The following SEPTIN9 variants were observed in gnomAD, a reference collection of about 807,000 sequenced individuals.
The protein encoded by SEPTIN9 is septin 9, also known as septin-9.
In SEPTIN9, 13 loss-of-function variants were observed where a neutral mutation model predicts 56.6. That is an observed-to-expected ratio of 0.23 (90% CI 0.15 to 0.37). SEPTIN9 has a LOEUF of 0.37. Among genes scored for constraint, SEPTIN9 ranks in the 10% least tolerant of loss-of-function variants. The probability of loss-of-function intolerance (pLI) is 1.00; values close to 1 mark genes in which losing one functional copy is unlikely to be tolerated. For synonymous variants in SEPTIN9, 332 were observed against 334.1 expected, an observed-to-expected ratio of 0.99 and a Z score of 0.07; for missense variants, 650 against 823.1, an observed-to-expected ratio of 0.79 and a Z score of 2.57.
rs1437873163 is a variant in SEPTIN9 at position 77,450,096 on chromosome 17, C to CCA, written c.722-32046_722-32045dup. 6.6e-6 allele frequency among the ~76,000 whole-genome samples: 1 copy of CCA among 152,188 alleles called. No individual in the cohort carries two copies. The highest frequency in any genetic ancestry group is 2.4e-5 in the African/African-American group (1 of 41,452). On this transcript the variant is annotated intron_variant, in intron 3 of 11. Coordinates refer to ENST00000427177, the MANE Select transcript of SEPTIN9 (RefSeq NM_001113491.2). This position sits in a 1 kb window ranked among gnomAD's most constrained non-coding sequence, Gnocchi z 6.0. ...CCCGGAGACCAGTAGCAGCAGCTCCCCACGGCCGTTCACTGTGAGGGTGGG... is the reference window on the plus strand; with the variant it reads ...CCCGGAGACCAGTAGCAGCAGCTCCCCACACGGCCGTTCACTGTGAGGGTGGG...
chr17:77,314,533 C>T (rs915252639), intron 2 of SEPTIN9, among the ~76,000 whole-genome samples: 5 of 151,940 alleles, frequency 3.3e-5, no homozygotes, highest in South Asian at 4.1e-4. Flanking sequence ...TATAGCTTGG[C>T]GCTCATCAGC....
chr17:77,361,702 G>A (rs577069362), intron 2 of SEPTIN9, among the ~76,000 whole-genome samples: 90 of 151,302 alleles, frequency 5.9e-4, no homozygotes, highest in Non-Finnish European at 1.0e-3. Flanking sequence ...GCGCTATCTC[G>A]GCTCACTGCA....
intron 1 of SEPTIN9, among the ~76,000 whole-genome samples, chr17:77,284,691 A>G (rs1598460026): frequency 6.6e-6 from 1 of 152,148 alleles, no homozygotes; most frequent in Non-Finnish European, 1.5e-5. Context: ...GTGCAATGGC[A>G]TGATCTCAGC....
intron 1 of SEPTIN9, among the ~76,000 whole-genome samples, chr17:77,284,969 G>T (rs2031210161): frequency 6.6e-6 from 1 of 152,164 alleles, no homozygotes; most frequent in African/African-American, 2.4e-5. Flanking sequence ...TTGTTGTAAA[G>T]GTTAAACGAG....
chr17:77,489,813 G>C (rs947450898), intron 7 of SEPTIN9, among the ~76,000 whole-genome samples: 1 of 152,100 alleles, frequency 6.6e-6, no homozygotes, highest in Non-Finnish European at 1.5e-5. Context: ...GGGGCAGGGG[G>C]CCAGCCCGCT....
intron 2 of SEPTIN9, among the ~76,000 whole-genome samples, chr17:77,398,303 C>G (rs1317702617): frequency 6.6e-6 from 1 of 152,174 alleles, no homozygotes; most frequent in Non-Finnish European, 1.5e-5. Flanking sequence ...CGCCTGAGGC[C>G]TGGTGAAGGC....
At position 77,429,659 on chromosome 17, in the gene SEPTIN9, G is replaced by A. The variant is rs758322349; in HGVS notation, c.721+26956G>A. ...CACAGATGGGGATAATGAGCTGGAG[G>A]GTGCTGGGCAGGAGCTGGCCAGTAA... On this transcript the variant is annotated intron_variant, in intron 3 of 11. Coordinates refer to ENST00000427177, the MANE Select transcript of SEPTIN9 (RefSeq NM_001113491.2). This position sits in a 1 kb window ranked among gnomAD's most constrained non-coding sequence, Gnocchi z 5.2. Among the ~76,000 whole-genome samples, 9 of 152,120 alleles carry A rather than the reference G, an allele frequency of 5.9e-5. No individual in the cohort carries two copies. Among genetic ancestry groups the A allele is most frequent in the Non-Finnish European group, 8.8e-5 (6 of 68,022 alleles).
At chr17:77,422,058 A>G (rs1303289594) in intron 3 of SEPTIN9, among the ~76,000 whole-genome samples, 2 of 152,018 alleles carry the variant, frequency 1.3e-5, no homozygotes, top group African/African-American at 4.8e-5. Flanking sequence ...GAGTCTTACT[A>G]TATTTCCCAG....
rs2037896393 is a variant in SEPTIN9, at chr17:77,449,777, GA to G, written c.722-32364del. 1.3e-5 allele frequency among the ~76,000 whole-genome samples: 2 copies of G among 152,186 alleles called. No homozygotes were observed. Among genetic ancestry groups the G allele is most frequent in the South Asian group, 4.1e-4 (2 of 4,828 alleles). ...GGCTCTTCTCACTCCCAGTGCTGGGGAAATTAGCTTCTTGGAGGAAGGGGGA... is the reference window on the plus strand; with the variant it reads ...GGCTCTTCTCACTCCCAGTGCTGGGGAATTAGCTTCTTGGAGGAAGGGGGA... On this transcript the variant is annotated intron_variant, in intron 3 of 11. Transcript: ENST00000427177. The surrounding 1 kb of genome is among the most constrained non-coding windows in gnomAD (Gnocchi z 4.6).
intron 3 of SEPTIN9, chr17:77,426,987 T>C (rs57292046): frequency 0.026 from 4,009 of 152,288 alleles, 163 homozygotes; most frequent in African/African-American, 0.088. Flanking sequence ...ATGCAGACAT[T>C]AGATTAGAGG....
chr17:77,327,074 AAG>A lies in SEPTIN9; in HGVS notation c.76+19879_76+19880del, dbSNP rs2033166701. ...CCATGAGCCCCAGGAACATGTGTAAAAGAAAAAAAAAAGAATAAACCATAGCT... is the reference window on the plus strand; with the variant it reads ...CCATGAGCCCCAGGAACATGTGTAAAAAAAAAAAAAGAATAAACCATAGCT... On this transcript the variant is annotated intron_variant, in intron 2 of 11. Coordinates refer to ENST00000427177, the MANE Select transcript of SEPTIN9 (RefSeq NM_001113491.2). This position sits in a 1 kb window ranked among gnomAD's most constrained non-coding sequence, Gnocchi z 5.0. Among the ~76,000 whole-genome samples, 1 of 152,046 alleles carries A rather than the reference AAG, an allele frequency of 6.6e-6. No homozygotes were observed. The highest frequency in any genetic ancestry group is 2.4e-5 in the African/African-American group (1 of 41,400).
At chr17:77,288,182 A>G (rs916764682) in intron 1 of SEPTIN9, 13 of 1,055,274 alleles carry the variant, frequency 1.2e-5, no homozygotes, top group African/African-American at 6.6e-5. Context: ...TCTTTTCTCA[A>G]TGGGGATGTG....
At chr17:77,490,075 C>T (rs1244116559) in intron 7 of SEPTIN9, among the ~76,000 whole-genome samples, 3 of 152,258 alleles carry the variant, frequency 2.0e-5, no homozygotes, top group Non-Finnish European at 4.4e-5. Flanking sequence ...CCGCCCAAGG[C>T]GTCCAGTCCC....
intron 2 of SEPTIN9, among the ~76,000 whole-genome samples, chr17:77,315,917 G>A (rs546146034): frequency 6.6e-6 from 1 of 152,212 alleles, no homozygotes; most frequent in Non-Finnish European, 1.5e-5. Flanking sequence ...CCAGGGTGTG[G>A]GCAGGCTGGG....
intron 2 of SEPTIN9, among the ~76,000 whole-genome samples, chr17:77,391,491 A>T (rs956061948): frequency 2.0e-5 from 3 of 152,244 alleles, no homozygotes; most frequent in East Asian, 1.9e-4. Context: ...TTTTATAAAG[A>T]TGCTCACCAT....
chr17:77,484,859 G>GTGA (rs2039650266), intron 4 of SEPTIN9, among the ~76,000 whole-genome samples: 19 of 132,396 alleles, frequency 1.4e-4, no homozygotes, highest in Non-Finnish European at 2.0e-4. Context: ...GGTGATGTGG[G>GTGA]TGGTGGTGAT....
chr17:77,326,435 A>G lies in SEPTIN9; in HGVS notation c.76+19238A>G, dbSNP rs987679513. 3.3e-5 allele frequency among the ~76,000 whole-genome samples: 5 copies of G among 152,144 alleles called. No individual in the cohort carries two copies. Among genetic ancestry groups the G allele is most frequent in the African/African-American group, 9.7e-5 (4 of 41,426 alleles). On this transcript the variant is annotated intron_variant, in intron 2 of 11. Transcript: ENST00000427177. The surrounding 1 kb of genome is among the most constrained non-coding windows in gnomAD (Gnocchi z 5.1). ...GTCAGGAGGGCTGCCTCGGGGGGAC[A>G]CCTTCGGGCTGAGCGCAGAAGGATG...
At chr17:77,375,461 T>C (rs967145449) in intron 2 of SEPTIN9, 11 of 152,288 alleles carry the variant, frequency 7.2e-5, no homozygotes, top group African/African-American at 2.7e-4. Context: ...GTTGTACAGC[T>C]GTCACCATTT....
At chr17:77,394,036 C>T (rs537960741) in intron 2 of SEPTIN9, among the ~76,000 whole-genome samples, 5 of 152,328 alleles carry the variant, frequency 3.3e-5, no homozygotes, top group African/African-American at 7.2e-5. Flanking sequence ...CAGGCCCATA[C>T]GTCCTGTCTC....
Sources: gnomAD v4.1 joint callset for allele counts (sites outside exome capture counted in the v4.1 genomes callset) on GRCh38, gnomAD v4.1.1 for gene constraint, Gnocchi (gnomAD v3.1) non-coding constraint, MANE v1.5 for transcripts, NCBI Gene and HGNC (gene_info 2026-07-23, HGNC 2026-07-21) for gene names.